ZMIZ1: variants seen among roughly 807,000 people sequenced by gnomAD.
ZMIZ1 encodes zinc finger MIZ-type containing 1.
A neutral mutation model predicts 113.9 loss-of-function variants in ZMIZ1; 17 were observed. The observed-to-expected ratio is 0.15, with a 90% CI of 0.10 to 0.22. The LOEUF (loss-of-function observed/expected upper bound fraction) is 0.22. Among genes scored for constraint, ZMIZ1 ranks in the 10% least tolerant of loss-of-function variants. The probability of loss-of-function intolerance (pLI) is 1.00; values close to 1 mark genes in which losing one functional copy is unlikely to be tolerated. For synonymous variants in ZMIZ1, 607 were observed against 603.1 expected (o/e 1.01, Z -0.09); for missense variants, 1,059 against 1,477.8 (o/e 0.72, Z 4.65).
chr10:79,100,851 G>A (rs996868594), intron 1 of ZMIZ1, among the ~76,000 whole-genome samples: 1 of 152,182 alleles, frequency 6.6e-6, no homozygotes, highest in Non-Finnish European at 1.5e-5. Flanking sequence ...GTGCCGTGAG[G>A]GTGCCCTTGG....
chr10:79,093,350 CAG>C (rs1328566057), intron 1 of ZMIZ1, among the ~76,000 whole-genome samples: 3 of 149,536 alleles, frequency 2.0e-5, no homozygotes, highest in African/African-American at 7.4e-5. Flanking sequence ...TATTTTGAGA[CAG>C]AGTCTCACTC....
rs573031205 is a variant in ZMIZ1 at position 79,293,005 on chromosome 10, C to T, written c.958-376C>T. On this transcript the variant is annotated intron_variant, in intron 11 of 24. Coordinates refer to ENST00000334512, the MANE Select transcript of ZMIZ1 (RefSeq NM_020338.4). ...CCAGGAAAGGGGCTGCAGTCTCACT[C>T]GGGCTCCTGCCTCCACCCTCATCTA... 1.3e-5 allele frequency: 6 copies of T among 446,636 alleles called. No individual in the cohort carries two copies. In the East Asian group the frequency reaches 1.5e-4, roughly 11 times the overall value. 27.7% of individuals were successfully genotyped at this position (446,636 alleles called of 1,614,324 possible). A position where few individuals can be genotyped will look rare whatever the true frequency, so the allele number is the denominator to read the frequency against.
At chr10:79,123,904 A>C (rs143996021) in intron 2 of ZMIZ1, among the ~76,000 whole-genome samples, 285 of 152,356 alleles carry the variant, frequency 1.9e-3, no homozygotes, top group Middle Eastern at 0.01. Flanking sequence ...CAGGGTCCGC[A>C]TATGGCATGC....
rs962687453 is a variant in ZMIZ1, at chr10:79,313,597, G to A, written c.*848G>A. 3.3e-5 allele frequency: 7 copies of A among 215,152 alleles called. No homozygotes were observed. The highest frequency in any genetic ancestry group is 1.2e-4 in the African/African-American group (5 of 42,748). The allele number at this position is 215,152 out of a possible 1,614,324, so 13.3% of individuals were successfully genotyped here. A position where few individuals can be genotyped will look rare whatever the true frequency, so the allele number is the denominator to read the frequency against. The stretch of plus-strand genomic sequence containing the variant: ...AAGTGATTGTGCCCTTGGTTGGGGG[G>A]CGCGGGCATATAACCTGTCAGAAGC... On this transcript the variant is annotated 3_prime_UTR_variant, in exon 25 of 25. Coordinates refer to ENST00000334512, the MANE Select transcript of ZMIZ1 (RefSeq NM_020338.4).
At chr10:79,181,412 G>A (rs1426093926) in intron 4 of ZMIZ1, among the ~76,000 whole-genome samples, 2 of 152,192 alleles carry the variant, frequency 1.3e-5, no homozygotes, top group African/African-American at 2.4e-5. Flanking sequence ...GCCAAGTGGC[G>A]GTGGATTCTG....
chr10:79,113,813 C>T (rs1564657837), intron 1 of ZMIZ1, among the ~76,000 whole-genome samples: 1 of 152,052 alleles, frequency 6.6e-6, no homozygotes, highest in Non-Finnish European at 1.5e-5. Flanking sequence ...TTGATGGCTC[C>T]TATCACAGTG....
At position 79,312,743 on chromosome 10, in the gene ZMIZ1, C is replaced by T. The variant is rs998895009; in HGVS notation, c.3198C>T (p.Asn1066=). ...ATGACCTCCTGTCTCTATTTGAGAA[C>T]AACTGAGGGCCACCCGGTCGGGGCC... ...SNDDLLSLFE[N]N The change falls in exon 25 of 25, where the codon AAC becomes AAT. Residue 1066 remains asparagine, a synonymous_variant. Coordinates refer to ENST00000334512, the MANE Select transcript of ZMIZ1 (RefSeq NM_020338.4). 1 of 1,614,136 alleles carries T rather than the reference C, an allele frequency of 6.2e-7. No individual in the cohort carries two copies. The highest frequency in any genetic ancestry group is 8.5e-7 in the Non-Finnish European group (1 of 1,179,936).
chr10:79,248,025 C>T (rs1850313470), intron 7 of ZMIZ1, among the ~76,000 whole-genome samples: 1 of 152,174 alleles, frequency 6.6e-6, no homozygotes, highest in African/African-American at 2.4e-5. Context: ...CAGCCCTGTG[C>T]CAGAGAGGTG....
In ZMIZ1 at chr10:79,296,932, T is replaced by C. The variant is rs1853937691; in HGVS notation, c.1413+279T>C. The stretch of plus-strand genomic sequence containing the variant: ...ACAAAATAATAAAGGAAATATATTT[T>C]ATTAAAAAAACACACATCCCCTGTA... On this transcript the variant is annotated intron_variant, in intron 13 of 24. Transcript: ENST00000334512. This position sits in a 1 kb window ranked among gnomAD's most constrained non-coding sequence, Gnocchi z 4.1. 1 of 334,172 alleles carries C rather than the reference T, an allele frequency of 3.0e-6. No homozygotes were observed. The highest frequency in any genetic ancestry group is 2.1e-5 in the African/African-American group (1 of 46,928). 20.7% of individuals were successfully genotyped at this position (334,172 alleles called of 1,614,324 possible).
intron 1 of ZMIZ1, among the ~76,000 whole-genome samples, chr10:79,115,685 A>G (rs1465111473): frequency 1.3e-5 from 2 of 152,246 alleles, no homozygotes; most frequent in African/African-American, 2.4e-5. Flanking sequence ...CCCAGAGACC[A>G]CATATCTATT....
chr10:79,273,174 C>G (rs572649690), intron 7 of ZMIZ1, among the ~76,000 whole-genome samples: 165 of 152,334 alleles, frequency 1.1e-3, no homozygotes, highest in Non-Finnish European at 1.9e-3. Context: ...CATCAGAGAT[C>G]TTGCTGGAGG....
At chr10:79,075,465 G>A (rs1050347736) in intron 1 of ZMIZ1, among the ~76,000 whole-genome samples, 2 of 152,178 alleles carry the variant, frequency 1.3e-5, no homozygotes, top group African/African-American at 4.8e-5. Flanking sequence ...ATAGGGCTTG[G>A]GGGGCTTCAT....
intron 1 of ZMIZ1, among the ~76,000 whole-genome samples, chr10:79,114,506 C>CAT (rs768697744): frequency 2.9e-4 from 27 of 93,190 alleles, no homozygotes; most frequent in African/African-American, 1.3e-3. Flanking sequence ...TGTGTGTGTG[C>CAT]GTGTGTGTGT....
At chr10:79,189,333 G>A (rs1054324189) in intron 4 of ZMIZ1, among the ~76,000 whole-genome samples, 2 of 152,156 alleles carry the variant, frequency 1.3e-5, no homozygotes, top group South Asian at 2.1e-4. Context: ...GTTTAACTCT[G>A]TCACGCAGGC....
intron 7 of ZMIZ1, among the ~76,000 whole-genome samples, chr10:79,234,482 G>C (rs1385176881): frequency 6.6e-6 from 1 of 152,146 alleles, no homozygotes. Flanking sequence ...TTTCTTGTAA[G>C]TCCAAAGATA....
chr10:79,146,433 C>T (rs1845486982), intron 3 of ZMIZ1, among the ~76,000 whole-genome samples: 2 of 152,202 alleles, frequency 1.3e-5, no homozygotes, highest in African/African-American at 4.8e-5. Flanking sequence ...TCTACCCTCC[C>T]TCACCCCCTA....
chr10:79,306,998 GTC>G (rs1413984329), intron 22 of ZMIZ1, among the ~76,000 whole-genome samples: 48 of 152,350 alleles, frequency 3.2e-4, no homozygotes, highest in African/African-American at 1.1e-3. Flanking sequence ...GTCATCCTGA[GTC>G]TGCTGCAGCT....
intron 23 of ZMIZ1, 46 bp downstream of exon 23, chr10:79,307,617 T>C: frequency 1.3e-6 from 2 of 1,584,064 alleles, no homozygotes; most frequent in Non-Finnish European, 8.6e-7. Context: ...GCCTTTGGGG[T>C]TGATGCCTTG....
At chr10:79,074,425 T>C (rs921881287) in intron 1 of ZMIZ1, among the ~76,000 whole-genome samples, 1 of 152,222 alleles carries the variant, frequency 6.6e-6, no homozygotes, top group Non-Finnish European at 1.5e-5. Flanking sequence ...ACATGGTCCA[T>C]GCCCCCAGTA....
Sources: gnomAD v4.1 joint callset for allele counts (sites outside exome capture counted in the v4.1 genomes callset) on GRCh38, gnomAD v4.1.1 for gene constraint, Gnocchi (gnomAD v3.1) non-coding constraint, MANE v1.5 for transcripts, NCBI Gene and HGNC (gene_info 2026-07-23, HGNC 2026-07-21) for gene names.